STK32B: variants seen among roughly 807,000 people sequenced by gnomAD.
The protein encoded by STK32B is serine/threonine-protein kinase 32B.
Under a neutral mutation model 52.6 loss-of-function variants are expected in STK32B, and 43 were observed. The observed-to-expected ratio is 0.82, with a 90% CI of 0.64 to 1.05. The LOEUF is 1.05. STK32B is among the 50% of genes least tolerant of loss of function. The pLI is 0.00. For missense variants in STK32B, 621 were observed against 534.6 expected (o/e 1.16, Z -1.59); for synonymous variants, 238 against 204.3 (o/e 1.17, Z -1.41).
intron 3 of STK32B, among the ~76,000 whole-genome samples, chr4:5,241,867 G>A (rs1385408068): frequency 1.3e-5 from 2 of 152,034 alleles, no homozygotes; most frequent in Non-Finnish European, 2.9e-5. Flanking sequence ...GAGAATGACG[G>A]TTTCCAGCTT....
At chr4:5,449,357 T>A (rs4688933) in intron 7 of STK32B, among the ~76,000 whole-genome samples, 1 of 152,006 alleles carries the variant, frequency 6.6e-6, no homozygotes, top group Non-Finnish European at 1.5e-5. Context: ...ATAAAAAGGT[T>A]ATAGTGGGAA....
At chr4:5,350,848 C>G (rs1449165107) in intron 4 of STK32B, among the ~76,000 whole-genome samples, 1 of 151,878 alleles carries the variant, frequency 6.6e-6, no homozygotes, top group Non-Finnish European at 1.5e-5. Context: ...TCTACTATAT[C>G]AGATAAAATA....
chr4:5,034,326 C>T, the STK32B span, among the ~76,000 whole-genome samples: 1 of 152,204 alleles, frequency 6.6e-6, no homozygotes, highest in African/African-American at 2.4e-5. Context: ...GATAACCTCT[C>T]TCATACGTGG....
intron 3 of STK32B, among the ~76,000 whole-genome samples, chr4:5,183,664 G>T (rs538377558): frequency 6.6e-6 from 1 of 152,124 alleles, no homozygotes; most frequent in Non-Finnish European, 1.5e-5. Context: ...TAAGTGTAAG[G>T]CTGTTTTGTT....
chr4:5,249,824 A>G (rs9994698), intron 3 of STK32B, among the ~76,000 whole-genome samples: 13,443 of 152,068 alleles, frequency 0.088, 903 homozygotes, highest in African/African-American at 0.19. Flanking sequence ...GGTAAATTGC[A>G]TGTCACAGGG....
intron 3 of STK32B, among the ~76,000 whole-genome samples, chr4:5,244,631 T>G (rs1348266982): frequency 6.6e-6 from 1 of 152,194 alleles, no homozygotes; most frequent in African/African-American, 2.4e-5. Flanking sequence ...TTTGAATGTG[T>G]TTGCTCTTGC....
chr4:5,186,524 C>G (rs1465620883), intron 3 of STK32B, among the ~76,000 whole-genome samples: 1 of 152,176 alleles, frequency 6.6e-6, no homozygotes, highest in Non-Finnish European at 1.5e-5. Context: ...CTCGCTTGCT[C>G]TCTTCCCTCC....
chr4:5,069,327 A>G (rs1431123086), intron 1 of STK32B, among the ~76,000 whole-genome samples: 1 of 151,440 alleles, frequency 6.6e-6, no homozygotes, highest in Non-Finnish European at 1.5e-5. Context: ...TGAGCCCCAC[A>G]CTTTCTTTTT....
the STK32B span, among the ~76,000 whole-genome samples, chr4:5,021,460 G>A: frequency 6.6e-6 from 1 of 152,148 alleles, no homozygotes; most frequent in Non-Finnish European, 1.5e-5. Context: ...TAGTGCCTGG[G>A]GCATGGGCCT....
intron 3 of STK32B, among the ~76,000 whole-genome samples, chr4:5,221,875 A>T (rs1723562151): frequency 7.0e-6 from 1 of 143,854 alleles, no homozygotes; most frequent in Non-Finnish European, 1.5e-5. Flanking sequence ...AAAAAAAAAA[A>T]ATTCAGGTGT....
chr4:5,350,351 C>A (rs1005402171), intron 4 of STK32B, among the ~76,000 whole-genome samples: 1 of 151,998 alleles, frequency 6.6e-6, no homozygotes, highest in Non-Finnish European at 1.5e-5. Flanking sequence ...AAGTCTTTCC[C>A]AGACAAGCAA....
At chr4:5,138,240 A>C (rs895270474) in intron 1 of STK32B, among the ~76,000 whole-genome samples, 4 of 152,206 alleles carry the variant, frequency 2.6e-5, no homozygotes, top group African/African-American at 9.6e-5. Context: ...ATTCGACCTC[A>C]CGCTGGATTC....
At chr4:5,056,892 C>T (rs902273873) in intron 1 of STK32B, among the ~76,000 whole-genome samples, 14 of 152,138 alleles carry the variant, frequency 9.2e-5, no homozygotes, top group Admixed American at 5.9e-4. Context: ...GGCAAGTGGA[C>T]GCTGGGTGGG....
chr4:5,074,444 C>G (rs1346197889), intron 1 of STK32B, among the ~76,000 whole-genome samples: 2 of 151,904 alleles, frequency 1.3e-5, no homozygotes, highest in Non-Finnish European at 2.9e-5. Context: ...TTTTTTCCTA[C>G]AAATTCTTTA....
chr4:5,350,145 A>G (rs1733733340), intron 4 of STK32B, among the ~76,000 whole-genome samples: 1 of 152,200 alleles, frequency 6.6e-6, no homozygotes, highest in Non-Finnish European at 1.5e-5. Flanking sequence ...ATACAATTCA[A>G]AAAGGTTTAC....
At chr4:5,032,476 CAAAAAAA>C in the STK32B span, among the ~76,000 whole-genome samples, 1 of 49,712 alleles carries the variant, frequency 2.0e-5, no homozygotes, top group South Asian at 1.1e-3. Context: ...GACTCCATCT[CAAAAAAA>C]AAAAAAAAAA....
chr4:5,333,776 C>G lies in STK32B; in HGVS notation c.434+2383C>G, dbSNP rs192141239. On this transcript the variant is annotated intron_variant, in intron 4 of 11. Transcript: ENST00000282908. Reference sequence around the variant, plus strand: ...TGTTTTTCTCAGGTTTGTCAAAGATCAGATAGTTGTAGATATGCGGCTTAT... The same window carrying G: ...TGTTTTTCTCAGGTTTGTCAAAGATGAGATAGTTGTAGATATGCGGCTTAT... Among the ~76,000 whole-genome samples, 868 of 152,036 alleles carry G rather than the reference C, an allele frequency of 5.7e-3. 8 individuals carry two copies. The highest frequency in any genetic ancestry group is 0.011 in the Non-Finnish European group (728 of 68,012).
chr4:5,130,666 G>T (rs906440925), intron 1 of STK32B, among the ~76,000 whole-genome samples: 1 of 152,032 alleles, frequency 6.6e-6, no homozygotes, highest in Non-Finnish European at 1.5e-5. Context: ...AGAGCAACTT[G>T]GTAAACAAAG....
At position 5,198,127 on chromosome 4, in the gene STK32B, G is replaced by A. The variant is rs568268765; in HGVS notation, c.260+29677G>A. Among the ~76,000 whole-genome samples, 4 of 152,178 alleles carry A rather than the reference G, an allele frequency of 2.6e-5. No homozygotes were observed. In the South Asian group the frequency reaches 6.2e-4, roughly 24 times the overall value. ...AGGAACTTCACAAAATCTATATAAA[G>A]TGAGGGCATGTTGCCTAACAATGGA... is the stretch of plus-strand genomic sequence containing the variant. On this transcript the variant is annotated intron_variant, in intron 3 of 11. Coordinates refer to ENST00000282908, the MANE Select transcript of STK32B (RefSeq NM_018401.3).
Sources: allele counts gnomAD v4.1 joint callset (sites outside exome capture counted in the v4.1 genomes callset), GRCh38; gene constraint gnomAD v4.1.1; transcripts MANE v1.5; gene names NCBI Gene and HGNC (gene_info 2026-07-23, HGNC 2026-07-21).